Variants in BRWD1 observed in about 807,000 individuals in gnomAD.
BRWD1 encodes bromodomain and WD repeat domain containing 1, also known as bromodomain and WD repeat-containing protein 1.
BRWD1 carries 82 observed loss-of-function variants against 251.2 expected under a neutral mutation model. That is an observed-to-expected ratio of 0.33 (90% CI 0.27 to 0.39). The LOEUF (loss-of-function observed/expected upper bound fraction) is 0.39. BRWD1 is among the 10% of genes least tolerant of loss of function. The probability of loss-of-function intolerance (pLI) is 1.00; values close to 1 mark genes in which losing one functional copy is unlikely to be tolerated. For missense variants in BRWD1, 2,233 were observed against 2,711.6 expected (o/e 0.82, Z 3.92); for synonymous variants, 918 against 902.8 (o/e 1.02, Z -0.30).
intron 38 of BRWD1, among the ~76,000 whole-genome samples, chr21:39,201,181 A>C (rs926772175): frequency 6.6e-6 from 1 of 152,132 alleles, no homozygotes; most frequent in Non-Finnish European, 1.5e-5. Flanking sequence ...CGAGAGAAAG[A>C]GTGTGAGAGG....
chr21:39,307,677 A>G (rs1227359540), intron 4 of BRWD1, among the ~76,000 whole-genome samples: 1 of 152,122 alleles, frequency 6.6e-6, no homozygotes, highest in African/African-American at 2.4e-5. Context: ...ACTTGGGTGC[A>G]CTGCCAGATA....
chr21:39,302,743 A>C (rs1320611578), intron 4 of BRWD1, among the ~76,000 whole-genome samples: 1 of 121,008 alleles, frequency 8.3e-6, no homozygotes, highest in East Asian at 2.2e-4. Flanking sequence ...TGACAGAGTG[A>C]GACTCCGTCT....
At chr21:39,289,619 T>C (rs1056248077) in intron 8 of BRWD1, among the ~76,000 whole-genome samples, 1 of 152,248 alleles carries the variant, frequency 6.6e-6, no homozygotes, top group Non-Finnish European at 1.5e-5. Context: ...TAATATACTT[T>C]CATTCTTCAA....
Position 39,196,696 on chromosome 21 carries a change from C to T in BRWD1, c.6373G>A (p.Glu2125Lys), listed in dbSNP as rs1266409904. The change falls in exon 41 of 41, where the codon GAA becomes AAA. Residue 2125 changes from glutamate to lysine, a missense_variant. Physicochemically the swap from Glu to Lys is moderately conservative, Grantham distance 56. Around this residue, in one of 12 missense-constraint regions of BRWD1, gnomAD observed 928 missense variants for 970.0 expected, o/e 0.96. Transcript: ENST00000342449. ...IHDSQETAEK[E>K]VKRKRSHPEL... ...GGATGCGATCTCTTCCTTTTTACTTCCTTCTCTGCTGTTTCCTGTGAATCA... is the reference window on the plus strand; with the variant it reads ...GGATGCGATCTCTTCCTTTTTACTTTCTTCTCTGCTGTTTCCTGTGAATCA... 1 of 1,613,794 alleles carries T rather than the reference C, an allele frequency of 6.2e-7. No homozygotes were observed. The highest frequency in any genetic ancestry group is 8.5e-7 in the Non-Finnish European group (1 of 1,179,900).
rs1011624031 is a variant in BRWD1 at position 39,313,550 on chromosome 21, C to T, written c.-59G>A. 1.7e-5 allele frequency: 22 copies of T among 1,279,852 alleles called. No individual in the cohort carries two copies. The highest frequency in any genetic ancestry group is 4.2e-5 in the Admixed American group (1 of 23,570). 79.3% of individuals were successfully genotyped at this position (1,279,852 alleles called of 1,614,324 possible). A position where few individuals can be genotyped will look rare whatever the true frequency, so the allele number is the denominator to read the frequency against. On this transcript the variant is annotated 5_prime_UTR_variant, in exon 1 of 41. Coordinates refer to ENST00000342449, the MANE Select transcript of BRWD1 (RefSeq NM_033656.4). ...AGCGAGCGGAGCGTGTAGGCCGCGC[C>T]GAGGCCTGACCGGGCTGGCGTCCCC...
In BRWD1 at chr21:39,229,395, A is replaced by G. The variant is rs2033517073; in HGVS notation, c.3042T>C (p.Val1014=). The part of the protein sequence containing the change: ...LVKIVGIRYE[V]GPPTLCCLKL... ...TTAGGCAACAGAGTGTAGGGGGCCCAACTTCATATCGTATTCCAACTATTT... is the reference window on the plus strand; with the variant it reads ...TTAGGCAACAGAGTGTAGGGGGCCCGACTTCATATCGTATTCCAACTATTT... Residue 1014 remains valine, a synonymous_variant, in exon 26 of 41, where the codon GTT becomes GTC. Coordinates refer to ENST00000342449, the MANE Select transcript of BRWD1 (RefSeq NM_033656.4). 2.5e-6 allele frequency: 4 copies of G among 1,610,650 alleles called. No homozygotes were observed. Among genetic ancestry groups the G allele is most frequent in the African/African-American group, 2.7e-5 (2 of 74,958 alleles).
chr21:39,185,396 A>G (rs2031176059), downstream of BRWD1: 1 of 151,534 alleles, frequency 6.6e-6, no homozygotes, highest in African/African-American at 2.4e-5. Context: ...AATATACTCA[A>G]TAAATATTAT....
intron 28 of BRWD1, 112 bp downstream of exon 28, chr21:39,224,974 C>A: frequency 1.2e-6 from 1 of 808,822 alleles, no homozygotes. Context: ...CCTGACATGA[C>A]TTAATGACAG....
At chr21:39,185,005 T>C (rs929998129), downstream of BRWD1, 1 of 152,198 alleles carries the variant, frequency 6.6e-6, no homozygotes, top group East Asian at 1.9e-4. Context: ...AGCAAATTAC[T>C]GTAAATAGGG....
chr21:39,302,667 G>A (rs754325634), intron 4 of BRWD1, among the ~76,000 whole-genome samples: 6 of 147,076 alleles, frequency 4.1e-5, no homozygotes, highest in Non-Finnish European at 7.4e-5. Flanking sequence ...TGAGGCACAA[G>A]AATCACGAAT....
chr21:39,213,452 A>G (rs1568873064), intron 33 of BRWD1, 29 bp downstream of exon 33: 1 of 1,577,722 alleles, frequency 6.3e-7, no homozygotes, highest in East Asian at 2.2e-5. Flanking sequence ...AATTAACAAA[A>G]ACCATTATAA....
chr21:39,226,960 CA>C (rs887082974), intron 27 of BRWD1, among the ~76,000 whole-genome samples: 4 of 151,474 alleles, frequency 2.6e-5, no homozygotes, highest in Admixed American at 2.0e-4. Flanking sequence ...CCTGTCTCCA[CA>C]AAAAAAATTA....
chr21:39,236,525 A>G (rs2033816468), intron 23 of BRWD1, 70 bp downstream of exon 23: 2 of 1,317,726 alleles, frequency 1.5e-6, no homozygotes, highest in Admixed American at 2.4e-5. Context: ...AAATGTTAAA[A>G]CAACATTTGA....
intron 4 of BRWD1, among the ~76,000 whole-genome samples, chr21:39,300,827 T>C (rs530299842): frequency 1.2e-3 from 180 of 152,342 alleles, no homozygotes; most frequent in Non-Finnish European, 2.4e-3. Flanking sequence ...TTCTCCCCTC[T>C]ATCCTTTCCA....
chr21:39,261,950 GAC>G (rs1166860338), intron 17 of BRWD1, among the ~76,000 whole-genome samples: 1 of 152,046 alleles, frequency 6.6e-6, no homozygotes, highest in Non-Finnish European at 1.5e-5. Flanking sequence ...GATATATAAA[GAC>G]ACAGATCAGC....
chr21:39,239,999 T>C (rs1191491616), intron 21 of BRWD1, among the ~76,000 whole-genome samples: 6 of 152,160 alleles, frequency 3.9e-5, no homozygotes, highest in Non-Finnish European at 8.8e-5. Flanking sequence ...CATCCTTCAG[T>C]AGGTAAACTG....
In BRWD1 at chr21:39,197,133, C is replaced by A; in HGVS notation, c.5936G>T (p.Cys1979Phe). 1 of 1,614,138 alleles carries A rather than the reference C, an allele frequency of 6.2e-7. No individual in the cohort carries two copies. Among genetic ancestry groups the A allele is most frequent in the Non-Finnish European group, 8.5e-7 (1 of 1,179,972 alleles). ...TACTTCACAATGTACACTTCCTTCACAATCACTCAATTTCTTCTTAGCTGT... is the reference window on the plus strand; with the variant it reads ...TACTTCACAATGTACACTTCCTTCAAAATCACTCAATTTCTTCTTAGCTGT... ...CTTAKKKLSD[C>F]EGSVHCEVPS... Residue 1979 changes from cysteine to phenylalanine, a missense_variant, in exon 41 of 41, where the codon TGT (cysteine) becomes TTT (phenylalanine). Cys to Phe is a radical substitution (Grantham distance 205, BLOSUM62 -2). Around this residue, in one of 12 missense-constraint regions of BRWD1, gnomAD observed 928 missense variants for 970.0 expected, o/e 0.96. Coordinates refer to ENST00000342449, the MANE Select transcript of BRWD1 (RefSeq NM_033656.4).
intron 20 of BRWD1, 72 bp from the exon 21 acceptor site, chr21:39,247,904 C>T (rs1231369308): frequency 8.5e-6 from 12 of 1,407,512 alleles, no homozygotes; most frequent in East Asian, 2.6e-5. Context: ...ATGGGCATTC[C>T]GTCAAGTTTC....
At chr21:39,250,955 T>C in intron 19 of BRWD1, 66 bp from the exon 20 acceptor site, 2 of 915,410 alleles carry the variant, frequency 2.2e-6, no homozygotes, top group East Asian at 2.8e-5. Context: ...ATATAAAGAA[T>C]AAAAACCAGT....
Sources: gnomAD v4.1 joint callset for allele counts (sites outside exome capture counted in the v4.1 genomes callset) on GRCh38, gnomAD v4.1.1 for gene constraint, gnomAD v4.1.1 regional missense constraint, MANE v1.5 for transcripts, NCBI Gene and HGNC (gene_info 2026-07-23, HGNC 2026-07-21) for gene names.